STAG2: variants seen among roughly 807,000 people sequenced by gnomAD.
STAG2 encodes the protein STAG2 cohesin complex component, also known as cohesin subunit SA-2.
In STAG2, 14 loss-of-function variants were observed where a neutral mutation model predicts 108.1. That is an observed-to-expected ratio of 0.13 (90% CI 0.09 to 0.20). The LOEUF (loss-of-function observed/expected upper bound fraction) is 0.20. STAG2 is among the 10% of genes least tolerant of loss of function. The probability of loss-of-function intolerance (pLI) is 1.00; values close to 1 mark genes in which losing one functional copy is unlikely to be tolerated. For missense variants in STAG2, 440 were observed against 940.9 expected (o/e 0.47, Z 6.96); for synonymous variants, 307 against 302.7 (o/e 1.01, Z -0.15).
chrX:124,013,869 A>C (rs1432533141), intron 1 of STAG2, among the ~76,000 whole-genome samples: 1 of 111,344 alleles, frequency 9.0e-6, no homozygotes, highest in African/African-American at 3.3e-5. Context: ...TACTGAGCAC[A>C]AGTTGGCTCT....
chrX:124,043,421 G>T (rs866850781), intron 7 of STAG2, among the ~76,000 whole-genome samples: 1 of 111,363 alleles, frequency 9.0e-6, no homozygotes, highest in African/African-American at 3.3e-5. Flanking sequence ...AAAGTGCGGG[G>T]ATTACAGCAG....
At position 124,066,488 on chromosome X, in the gene STAG2, T is replaced by C. The variant is rs780124793; in HGVS notation, c.2265+52T>C. The C allele has an allele frequency of 4.5e-5, 40 of 885,266 alleles. No homozygotes were observed. The Admixed American group carries it at 9.3e-4, about 21-fold the overall frequency. The allele number at this position is 885,266 out of a possible 1,213,427, so 73.0% of individuals were successfully genotyped here. A position where few individuals can be genotyped will look rare whatever the true frequency, so the allele number is the denominator to read the frequency against. ...ATTAGACTAAATATCATTAACTGTT[T>C]TCAGCAAACTCACACATTTAATGAG... is the stretch of plus-strand genomic sequence containing the variant. On this transcript the variant is annotated intron_variant, in intron 23 of 34. Coordinates refer to ENST00000371145, the MANE Select transcript of STAG2 (RefSeq NM_001042750.2).
Position 124,100,681 on chromosome X carries a change from C to T in STAG2, c.*84C>T, listed in dbSNP as rs763306595. On this transcript the variant is annotated 3_prime_UTR_variant, in exon 35 of 35. Coordinates refer to ENST00000371145, the MANE Select transcript of STAG2 (RefSeq NM_001042750.2). ...AAAGTGTGGTAGATACAGTGAAATT[C>T]TGTACAGATTTTTCTCTAAGGAGAA... 1.1e-4 allele frequency: 91 copies of T among 819,749 alleles called. No individual in the cohort carries two copies. Among genetic ancestry groups the T allele is most frequent in the Non-Finnish European group, 1.6e-4 (87 of 558,687 alleles). 67.6% of individuals were successfully genotyped at this position (819,749 alleles called of 1,213,427 possible).
intron 5 of STAG2, among the ~76,000 whole-genome samples, chrX:124,035,179 G>T (rs1315466579): frequency 2.7e-5 from 3 of 111,232 alleles, no homozygotes; most frequent in Non-Finnish European, 5.6e-5. Context: ...TTTAAAACTG[G>T]TTGTTATGTT....
Position 124,061,769 on chromosome X carries a change from AGCAC to A in STAG2, c.1535-1_1537del. 1 of 477,304 alleles carries A rather than the reference AGCAC, an allele frequency of 2.1e-6. No individual in the cohort carries two copies. The highest frequency in any genetic ancestry group is 2.8e-6 in the Non-Finnish European group (1 of 358,963). The allele number at this position is 477,304 out of a possible 1,213,427, so 39.3% of individuals were successfully genotyped here. A position where few individuals can be genotyped will look rare whatever the true frequency, so the allele number is the denominator to read the frequency against. ...TTTTTTTTTTTTTTTTTTTTTTTTTAGCACTAACAGATAGGCAAGAGAGTGCTCT... is the reference window on the plus strand; with the variant it reads ...TTTTTTTTTTTTTTTTTTTTTTTTTATAACAGATAGGCAAGAGAGTGCTCT... On this transcript the variant is annotated splice_acceptor_variant and coding_sequence_variant, in exon 17 of 35. Coordinates refer to ENST00000371145, the MANE Select transcript of STAG2 (RefSeq NM_001042750.2). LOFTEE classifies it high-confidence loss of function.
intron 7 of STAG2, among the ~76,000 whole-genome samples, chrX:124,042,947 G>A (rs184982564): frequency 9.4e-6 from 1 of 105,956 alleles, no homozygotes; most frequent in Admixed American, 1.0e-4. Context: ...CCTGGGAGGC[G>A]GAGGTTGCAG....
intron 1 of STAG2, among the ~76,000 whole-genome samples, chrX:124,016,163 A>G (rs1489469544): frequency 9.1e-6 from 1 of 109,543 alleles, no homozygotes; most frequent in Admixed American, 9.8e-5. Context: ...TCTCCTGAGG[A>G]CAGTCTCACT....
At chrX:124,078,987 A>C (rs1488790754) in intron 27 of STAG2, among the ~76,000 whole-genome samples, 5 of 109,043 alleles carry the variant, frequency 4.6e-5, no homozygotes, top group Non-Finnish European at 7.6e-5. Context: ...CAAACAAAAA[A>C]ACCAATAGTT....
At chrX:124,003,013 G>C (rs2056122643) in intron 1 of STAG2, among the ~76,000 whole-genome samples, 1 of 108,006 alleles carries the variant, frequency 9.3e-6, no homozygotes, top group African/African-American at 3.4e-5. Context: ...TGTCACCCAG[G>C]CTGGTGTGCA....
rs1430328707 is a variant in STAG2 at position 124,094,269 on chromosome X, T to A, written c.3705+125T>A. ...AGTTTTGCAAAAATATTAAAATAGT[T>A]GCCAGGGGTTTAGATATATGGGAAG... On this transcript the variant is annotated intron_variant, in intron 33 of 34. Coordinates refer to ENST00000371145, the MANE Select transcript of STAG2 (RefSeq NM_001042750.2). The A allele has an allele frequency of 4.6e-6, 3 of 652,606 alleles. No individual in the cohort carries two copies. In the African/African-American group the frequency reaches 6.7e-5, roughly 15 times the overall value. The allele number at this position is 652,606 out of a possible 1,213,427, so 53.8% of individuals were successfully genotyped here.
chrX:123,971,945 T>C (rs1044834748), intron 1 of STAG2, among the ~76,000 whole-genome samples: 1 of 112,188 alleles, frequency 8.9e-6, no homozygotes, highest in Non-Finnish European at 1.9e-5. Flanking sequence ...GAGATTAATA[T>C]GTCATTTCAT....
chrX:123,998,620 ATCT>A (rs1569497557), intron 1 of STAG2, among the ~76,000 whole-genome samples: 2 of 107,284 alleles, frequency 1.9e-5, no homozygotes, highest in Non-Finnish European at 3.8e-5. Flanking sequence ...CTATCTATCT[ATCT>A]ATCTATCTAT....
chrX:124,081,654 A>G, intron 28 of STAG2, 126 bp downstream of exon 28: 1 of 509,114 alleles, frequency 2.0e-6, no homozygotes. Context: ...ATAAATCTCT[A>G]CCCTATCTCC....
chrX:124,055,521 G>A (rs2058171004), intron 13 of STAG2, among the ~76,000 whole-genome samples: 1 of 112,530 alleles, frequency 8.9e-6, no homozygotes, highest in African/African-American at 3.2e-5. Context: ...AAAATATTTT[G>A]TTAGGCTTAT....
At chrX:123,989,119 C>T (rs972013459) in intron 1 of STAG2, among the ~76,000 whole-genome samples, 13 of 111,462 alleles carry the variant, frequency 1.2e-4, no homozygotes, top group African/African-American at 4.2e-4. Flanking sequence ...AGTTAGTATC[C>T]GGTAGACTTA....
intron 25 of STAG2, among the ~76,000 whole-genome samples, chrX:124,072,910 T>C (rs1309381473): frequency 3.1e-5 from 3 of 97,526 alleles, no homozygotes; most frequent in Non-Finnish European, 6.2e-5. Flanking sequence ...CTTTCTTTTT[T>C]TTTTTTTTTT....
intron 25 of STAG2, among the ~76,000 whole-genome samples, chrX:124,074,205 C>T (rs1034469273): frequency 1.8e-5 from 2 of 112,677 alleles, no homozygotes; most frequent in African/African-American, 6.4e-5. Flanking sequence ...CATGCCACTG[C>T]ACCCAGTGCA....
intron 4 of STAG2, among the ~76,000 whole-genome samples, chrX:124,027,652 A>G (rs1602920718): frequency 9.0e-6 from 1 of 111,670 alleles, no homozygotes; most frequent in Non-Finnish European, 1.9e-5. Context: ...AGACTATACT[A>G]TGTATGTTCC....
chrX:124,083,341 G>A (rs1430938272), intron 28 of STAG2, 80 bp from the exon 29 acceptor site: 1 of 838,887 alleles, frequency 1.2e-6, no homozygotes, highest in Non-Finnish European at 1.6e-6. Flanking sequence ...GAAGTAGTGA[G>A]TGAAATTTCC....
Sources: gnomAD v4.1 joint callset for allele counts (sites outside exome capture counted in the v4.1 genomes callset) on GRCh38, gnomAD v4.1.1 for gene constraint, MANE v1.5 for transcripts, NCBI Gene and HGNC (gene_info 2026-07-23, HGNC 2026-07-21) for gene names.